ROBO2: variants seen among roughly 807,000 people sequenced by gnomAD.
ROBO2 encodes roundabout homolog 2.
A neutral mutation model predicts 160.8 loss-of-function variants in ROBO2; 53 were observed. The observed-to-expected ratio is 0.33, with a 90% CI of 0.26 to 0.41. The LOEUF (loss-of-function observed/expected upper bound fraction) is 0.41. ROBO2 is among the 10% of genes least tolerant of loss of function. The probability of loss-of-function intolerance (pLI) is 1.00; values close to 1 mark genes in which losing one functional copy is unlikely to be tolerated. For missense variants in ROBO2, 1,577 were observed against 1,722.4 expected (o/e 0.92, Z 1.49); for synonymous variants, 664 against 611.7 (o/e 1.09, Z -1.26).
At chr3:77,102,865 AAAT>A (rs1352677818) in intron 2 of ROBO2, among the ~76,000 whole-genome samples, 31 of 151,830 alleles carry the variant, frequency 2.0e-4, no homozygotes, top group Admixed American at 2.0e-3. Context: ...AAAAAAAAAA[AAAT>A]AGCTATCCAG....
intron 2 of ROBO2, among the ~76,000 whole-genome samples, chr3:77,319,235 C>A (rs146894789): frequency 1.3e-5 from 2 of 152,140 alleles, no homozygotes; most frequent in African/African-American, 4.8e-5. Flanking sequence ...TCACAGAACT[C>A]TGGTTCATTT....
chr3:76,791,128 T>A (rs1043011921), intron 2 of ROBO2, among the ~76,000 whole-genome samples: 2 of 151,678 alleles, frequency 1.3e-5, no homozygotes, highest in African/African-American at 4.8e-5. Flanking sequence ...ATGAAGAAAA[T>A]CTTCCCAGAA....
At chr3:77,245,446 T>A (rs1158333581) in intron 2 of ROBO2, among the ~76,000 whole-genome samples, 2 of 152,224 alleles carry the variant, frequency 1.3e-5, no homozygotes. Context: ...TCTGTGCATT[T>A]TACTGCAAAG....
intron 2 of ROBO2, among the ~76,000 whole-genome samples, chr3:76,621,865 T>G (rs2089112103): frequency 6.6e-6 from 1 of 152,190 alleles, no homozygotes; most frequent in Non-Finnish European, 1.5e-5. Flanking sequence ...AACAAAAATT[T>G]TAATTATGAT....
intron 2 of ROBO2, among the ~76,000 whole-genome samples, chr3:76,316,283 C>A (rs570134963): frequency 1.3e-5 from 2 of 152,110 alleles, no homozygotes; most frequent in African/African-American, 2.4e-5. Context: ...TTATCTCAAC[C>A]GCATAAGACA....
chr3:76,356,071 TAATG>T (rs1298684100), intron 2 of ROBO2, among the ~76,000 whole-genome samples: 2 of 151,662 alleles, frequency 1.3e-5, no homozygotes, highest in Non-Finnish European at 3.0e-5. Context: ...TAATGTATAA[TAATG>T]ATATTTAAAG....
Position 77,646,115 on chromosome 3 carries a change from G to A in ROBO2, c.*60G>A, listed in dbSNP as rs564779527. The stretch of plus-strand genomic sequence containing the variant: ...GACCATCAGGTCCGGACTCATGGAA[G>A]TGATGACTCTAAACAGTGCAATGAA... On this transcript the variant is annotated 3_prime_UTR_variant, in exon 26 of 26. Transcript: ENST00000461745. 3.7e-6 allele frequency: 5 copies of A among 1,367,700 alleles called. No individual in the cohort carries two copies. In the East Asian group the frequency reaches 1.2e-4, roughly 32 times the overall value. 84.7% of individuals were successfully genotyped at this position (1,367,700 alleles called of 1,614,324 possible).
rs573992999 is a variant in ROBO2, at chr3:76,921,440, C to T, written c.110-176574C>T. On this transcript the variant is annotated intron_variant, in intron 2 of 26. Transcript: ENST00000487694. The stretch of plus-strand genomic sequence containing the variant: ...TAGCCTGACCAACATGGTGAAATCC[C>T]ATCTCCACTAAAAGTACAAAAATTA... Among the ~76,000 whole-genome samples, 3 of 152,126 alleles carry T rather than the reference C, an allele frequency of 2.0e-5. No individual in the cohort carries two copies. In the East Asian group the frequency reaches 5.8e-4, roughly 30 times the overall value.
At chr3:77,550,727 C>A in intron 7 of ROBO2, 91 bp from the exon 9 acceptor site, 1 of 1,311,310 alleles carries the variant, frequency 7.6e-7, no homozygotes, top group Non-Finnish European at 1.1e-6. Context: ...TTTTCTTTTT[C>A]CCACTGTATT....
intron 2 of ROBO2, among the ~76,000 whole-genome samples, chr3:76,596,972 A>G (rs1560207700): frequency 6.6e-6 from 1 of 152,170 alleles, no homozygotes; most frequent in African/African-American, 2.4e-5. Flanking sequence ...CTGTCATATC[A>G]GTGGGATAAA....
intron 2 of ROBO2, among the ~76,000 whole-genome samples, chr3:77,316,256 C>A (rs964421269): frequency 3.9e-5 from 6 of 152,148 alleles, no homozygotes; most frequent in Non-Finnish European, 8.8e-5. Flanking sequence ...CCACACCCTG[C>A]AGACCATTTG....
rs571909354 is a variant in ROBO2 at position 76,232,451 on chromosome 3, A to C, written c.109+294849A>C. Among the ~76,000 whole-genome samples the C allele has an allele frequency of 5.3e-5, 8 of 152,332 alleles. No homozygotes were observed. In the East Asian group the frequency reaches 1.5e-3, roughly 29 times the overall value. On this transcript the variant is annotated intron_variant, in intron 2 of 26. Coordinates refer to the ROBO2 transcript ENST00000487694. ...TATTTGAACCTGTAATCATTTCTAT[A>C]ACAGTAAGACAGTTGTTTGACATTC... is the stretch of plus-strand genomic sequence containing the variant.
chr3:77,546,949 C>T (rs1162213320), intron 7 of ROBO2, among the ~76,000 whole-genome samples: 1 of 152,052 alleles, frequency 6.6e-6, no homozygotes, highest in Non-Finnish European at 1.5e-5. Context: ...AAGCATGCTT[C>T]CATTTAAGAG....
chr3:77,640,759 C>G (rs1261534562), intron 24 of ROBO2, among the ~76,000 whole-genome samples: 1 of 152,284 alleles, frequency 6.6e-6, no homozygotes, highest in Non-Finnish European at 1.5e-5. Context: ...TGATTACATA[C>G]TTTTATTTTT....
At chr3:76,910,491 G>T (rs2075901408) in intron 2 of ROBO2, among the ~76,000 whole-genome samples, 1 of 151,936 alleles carries the variant, frequency 6.6e-6, no homozygotes, top group South Asian at 2.1e-4. Context: ...ACTTTGGGAG[G>T]CCAAGGTGGG....
chr3:76,381,360 TA>T (rs1033530602), intron 2 of ROBO2, among the ~76,000 whole-genome samples: 140 of 149,664 alleles, frequency 9.4e-4, no homozygotes, highest in African/African-American at 3.4e-3. Flanking sequence ...ATTTTGTTAT[TA>T]TTTTTTTGAG....
intron 2 of ROBO2, among the ~76,000 whole-genome samples, chr3:76,031,583 A>G (rs1018860612): frequency 1.8e-4 from 28 of 152,122 alleles, no homozygotes; most frequent in Non-Finnish European, 3.2e-4. Flanking sequence ...GGGCTGTTGA[A>G]TTTTGTCAAA....
At chr3:76,532,391 C>A (rs1044594919) in intron 2 of ROBO2, among the ~76,000 whole-genome samples, 1 of 152,056 alleles carries the variant, frequency 6.6e-6, no homozygotes, top group Non-Finnish European at 1.5e-5. Context: ...GGTAATCTGA[C>A]CATTGTCATC....
intron 2 of ROBO2, among the ~76,000 whole-genome samples, chr3:77,154,557 A>C (rs1390206308): frequency 3.9e-5 from 6 of 152,060 alleles, no homozygotes; most frequent in Non-Finnish European, 2.9e-5. Context: ...TCCAACCAAA[A>C]GGCGCATGCA....
Sources: gnomAD v4.1 joint callset for allele counts (sites outside exome capture counted in the v4.1 genomes callset) on GRCh38, gnomAD v4.1.1 for gene constraint, MANE v1.5 for transcripts, NCBI Gene and HGNC (gene_info 2026-07-23, HGNC 2026-07-21) for gene names.